Variants in ZNF532 observed in about 807,000 individuals in gnomAD.
The protein encoded by ZNF532 is zinc finger protein 532.
Under a neutral mutation model 89.3 loss-of-function variants are expected in ZNF532, and 22 were observed. The ratio of observed to expected loss-of-function variants is 0.25; its 90% CI spans 0.18 to 0.35. ZNF532 has a LOEUF of 0.35. Among genes scored for constraint, ZNF532 ranks in the 10% least tolerant of loss-of-function variants. ZNF532 has a pLI of 1.00. For synonymous variants in ZNF532, 606 were observed against 649.6 expected (o/e 0.93, Z 1.02); for missense variants, 1,132 against 1,643.4 (o/e 0.69, Z 5.38).
At chr18:58,904,923 C>T (rs1568283911) in intron 2 of ZNF532, among the ~76,000 whole-genome samples, 1 of 151,450 alleles carries the variant, frequency 6.6e-6, no homozygotes, top group Non-Finnish European at 1.5e-5. Context: ...CTCACTGCAA[C>T]CTCCGACTCC....
Position 58,979,096 on chromosome 18 carries a change from C to T in ZNF532, c.3192C>T (p.Phe1064=), listed in dbSNP as rs1477924079. 6 of 1,613,138 alleles carry T rather than the reference C, an allele frequency of 3.7e-6. No individual in the cohort carries two copies. In the African/African-American group the frequency reaches 6.7e-5, roughly 18 times the overall value. ...CCTGCCGCCAGTGTGACAAGTCTTT[C>T]AGCTCGTCCCACAGCCTGTGCCGGC... ...KHPCRQCDKS[F]SSSHSLCRHN... The change falls in exon 8 of 10, where the codon TTC becomes TTT. Residue 1064 remains phenylalanine, a synonymous_variant. Transcript: ENST00000591808.
At chr18:58,932,394 G>C (rs923237610) in intron 3 of ZNF532, 1 of 152,202 alleles carries the variant, frequency 6.6e-6, no homozygotes, top group African/African-American at 2.4e-5. Flanking sequence ...CAGGAACACT[G>C]TCTGCTTTTT....
At chr18:58,928,105 CCT>C (rs2061672283) in intron 3 of ZNF532, among the ~76,000 whole-genome samples, 1 of 151,976 alleles carries the variant, frequency 6.6e-6, no homozygotes, top group Non-Finnish European at 1.5e-5. Context: ...TCTATTTTGA[CCT>C]CTGTTTATGT....
At chr18:58,868,194 A>T (rs1416270029) in intron 2 of ZNF532, among the ~76,000 whole-genome samples, 1 of 152,238 alleles carries the variant, frequency 6.6e-6, no homozygotes, top group East Asian at 1.9e-4. Flanking sequence ...TCCATTCCCC[A>T]TCATGTACTC....
In ZNF532 at chr18:58,984,613, G is replaced by A. The variant is rs929751372; in HGVS notation, c.*147G>A. On this transcript the variant is annotated 3_prime_UTR_variant, in exon 10 of 10. Coordinates refer to ENST00000591808, the MANE Select transcript of ZNF532 (RefSeq NM_001375912.1). ...TCAATGTACCTTCCTTCACCTCGTCGTATATATCCTCGATAAGTATTAAAA... is the reference window on the plus strand; with the variant it reads ...TCAATGTACCTTCCTTCACCTCGTCATATATATCCTCGATAAGTATTAAAA... 1.1e-5 allele frequency: 10 copies of A among 916,402 alleles called. No homozygotes were observed. Among genetic ancestry groups the A allele is most frequent in the Admixed American group, 5.9e-5 (2 of 34,070 alleles). 56.8% of individuals were successfully genotyped at this position (916,402 alleles called of 1,614,324 possible). A position where few individuals can be genotyped will look rare whatever the true frequency, so the allele number is the denominator to read the frequency against.
At chr18:58,890,997 C>A (rs1022003191) in intron 2 of ZNF532, among the ~76,000 whole-genome samples, 1 of 152,072 alleles carries the variant, frequency 6.6e-6, no homozygotes, top group Non-Finnish European at 1.5e-5. Flanking sequence ...CGCATGCCAC[C>A]GTATCGGGCT....
chr18:58,946,344 G>A (rs958539150), intron 5 of ZNF532, among the ~76,000 whole-genome samples: 2 of 143,778 alleles, frequency 1.4e-5, no homozygotes, highest in East Asian at 2.0e-4. Flanking sequence ...CCAGGCTGGC[G>A]TACAGTGGCG....
chr18:58,887,206 T>A (rs1402905175), intron 2 of ZNF532, among the ~76,000 whole-genome samples: 1 of 152,240 alleles, frequency 6.6e-6, no homozygotes, highest in East Asian at 1.9e-4. Flanking sequence ...AACCCAGGCC[T>A]TCTGGTCTCC....
At chr18:58,895,122 CT>C (rs1175080718) in intron 2 of ZNF532, among the ~76,000 whole-genome samples, 2 of 152,220 alleles carry the variant, frequency 1.3e-5, no homozygotes, top group Non-Finnish European at 2.9e-5. Flanking sequence ...TAAATTGTTG[CT>C]AAAGTTTGAC....
intron 5 of ZNF532, among the ~76,000 whole-genome samples, chr18:58,941,895 TTTCCTTCC>T (rs371215747): frequency 1.0e-3 from 151 of 150,256 alleles, no homozygotes; most frequent in Middle Eastern, 6.8e-3. Flanking sequence ...CTTCCTTCCT[TTTCCTTCC>T]TTCCTTCCTT....
chr18:58,948,147 A>G lies in ZNF532; in HGVS notation c.2786A>G (p.Glu929Gly), dbSNP rs1412890309. ...LLYRHFDQHI[E>G]NQKVSVFKCP... ...TATCGCCACTTTGACCAACACATTG[A>G]AAACCAGAAGGTGTCTGTTTTCAAG... is the stretch of plus-strand genomic sequence containing the variant. The change falls in exon 6 of 10, where the codon GAA becomes GGA. Residue 929 changes from glutamate to glycine, a missense_variant. Coordinates refer to ENST00000591808, the MANE Select transcript of ZNF532 (RefSeq NM_001375912.1). The G allele has an allele frequency of 6.2e-7, 1 of 1,614,056 alleles. No individual in the cohort carries two copies. Among genetic ancestry groups the G allele is most frequent in the Non-Finnish European group, 8.5e-7 (1 of 1,179,938 alleles).
chr18:58,908,239 A>G (rs2060059496), intron 2 of ZNF532, among the ~76,000 whole-genome samples: 1 of 152,204 alleles, frequency 6.6e-6, no homozygotes, highest in South Asian at 2.1e-4. Flanking sequence ...CTGGTGCTGG[A>G]ATGGAATCAT....
chr18:58,913,042 C>A (rs78850149), intron 2 of ZNF532, among the ~76,000 whole-genome samples: 1 of 152,292 alleles, frequency 6.6e-6, no homozygotes, highest in Non-Finnish European at 1.5e-5. Context: ...AATGGAAATG[C>A]AGTGAGAAAA....
chr18:58,971,942 G>A (rs1412377215), intron 7 of ZNF532, among the ~76,000 whole-genome samples: 1 of 152,214 alleles, frequency 6.6e-6, no homozygotes, highest in African/African-American at 2.4e-5. Flanking sequence ...GGTGGCTCAC[G>A]CCTGTAATTC....
chr18:58,979,900 T>A (rs2067534298), intron 8 of ZNF532: 1 of 152,294 alleles, frequency 6.6e-6, no homozygotes, highest in Non-Finnish European at 1.5e-5. Flanking sequence ...TGGGCCAACA[T>A]CAACCCAGAC....
At chr18:58,968,825 A>C (rs1408748989) in intron 7 of ZNF532, among the ~76,000 whole-genome samples, 1 of 152,228 alleles carries the variant, frequency 6.6e-6, no homozygotes, top group Non-Finnish European at 1.5e-5. Flanking sequence ...GACTTGGCCT[A>C]GAATATAACT....
intron 2 of ZNF532, among the ~76,000 whole-genome samples, chr18:58,868,471 C>G (rs1434139095): frequency 6.6e-6 from 1 of 152,162 alleles, no homozygotes; most frequent in Admixed American, 6.5e-5. Flanking sequence ...TCTTGCCGCC[C>G]CTCTGTAGTC....
chr18:58,966,894 T>A (rs1009118209), intron 7 of ZNF532, among the ~76,000 whole-genome samples: 3 of 152,144 alleles, frequency 2.0e-5, no homozygotes, highest in Non-Finnish European at 4.4e-5. Flanking sequence ...TATAAATGTG[T>A]ATTTATGTAT....
intron 5 of ZNF532, 51 bp from the exon 6 acceptor site, chr18:58,948,016 T>C: frequency 6.5e-7 from 1 of 1,545,552 alleles, no homozygotes; most frequent in Non-Finnish European, 8.7e-7. Flanking sequence ...AGCAGATCCT[T>C]TGACTTAAAG....
Sources: gnomAD v4.1 joint callset for allele counts (sites outside exome capture counted in the v4.1 genomes callset) on GRCh38, gnomAD v4.1.1 for gene constraint, MANE v1.5 for transcripts, NCBI Gene and HGNC (gene_info 2026-07-23, HGNC 2026-07-21) for gene names.